VIPAS39: variants seen among roughly 807,000 people sequenced by gnomAD.
VIPAS39 encodes VPS33B interacting protein, apical-basolateral polarity regulator, spe-39 homolog.
VIPAS39 carries 63 observed loss-of-function variants against 84.7 expected under a neutral mutation model. The ratio of observed to expected loss-of-function variants is 0.74; its 90% CI spans 0.61 to 0.92. The LOEUF (loss-of-function observed/expected upper bound fraction) is 0.92. Among genes scored for constraint, VIPAS39 ranks in the 40% least tolerant of loss-of-function variants. The pLI is 0.00. For missense variants in VIPAS39, 499 were observed against 604.5 expected (o/e 0.83, Z 1.83); for synonymous variants, 192 against 216.5 (o/e 0.89, Z 0.99).
At chr14:77,442,721 A>T in intron 9 of VIPAS39, 59 bp from the exon 10 acceptor site, 1 of 1,471,976 alleles carries the variant, frequency 6.8e-7, no homozygotes, top group Non-Finnish European at 9.5e-7. Context: ...CAAGTGTGAA[A>T]TTGGTCTCCC....
At chr14:77,440,123 G>A (rs1187879699) in intron 11 of VIPAS39, 2 of 151,342 alleles carry the variant, frequency 1.3e-5, no homozygotes, top group Non-Finnish European at 2.9e-5. Flanking sequence ...GGACTCTAGT[G>A]TTCCTCCCAC....
chr14:77,452,345 C>A (rs2078895055), intron 3 of VIPAS39, among the ~76,000 whole-genome samples: 1 of 151,712 alleles, frequency 6.6e-6, no homozygotes, highest in Admixed American at 6.6e-5. Flanking sequence ...TTTGGGAGGA[C>A]ATGAACTGAA....
At chr14:77,443,912 G>A (rs1469742604) in intron 8 of VIPAS39, among the ~76,000 whole-genome samples, 1 of 150,568 alleles carries the variant, frequency 6.6e-6, no homozygotes, top group Non-Finnish European at 1.5e-5. Flanking sequence ...ATGGTGGTAT[G>A]CACCTGTGGT....
chr14:77,450,436 G>T (rs547872894), intron 4 of VIPAS39, among the ~76,000 whole-genome samples: 2 of 152,298 alleles, frequency 1.3e-5, no homozygotes, highest in Admixed American at 1.3e-4. Flanking sequence ...CAACATGGAG[G>T]TACAAATATA....
chr14:77,434,181 T>G (rs1185140230), intron 15 of VIPAS39, 81 bp downstream of exon 15: 7 of 1,426,570 alleles, frequency 4.9e-6, no homozygotes, highest in Non-Finnish European at 6.9e-6. Flanking sequence ...AAGGACACAC[T>G]GTACAGGGTT....
intron 18 of VIPAS39, 65 bp downstream of exon 18, chr14:77,428,941 T>C (rs2078475791): frequency 7.0e-7 from 1 of 1,434,718 alleles, no homozygotes; most frequent in East Asian, 2.3e-5. Context: ...CAGAGAATAT[T>C]ATAATCCCCA....
chr14:77,444,404 G>T, intron 7 of VIPAS39, 63 bp from the exon 8 acceptor site: 1 of 1,418,742 alleles, frequency 7.0e-7, no homozygotes. Context: ...TTTGTTGCTG[G>T]ATACTAAAGA....
chr14:77,435,995 CATAAGT>C (rs1213651710), intron 12 of VIPAS39, 76 bp from the exon 13 acceptor site: 28 of 1,486,894 alleles, frequency 1.9e-5, no homozygotes, highest in South Asian at 4.5e-5. Context: ...AAATCGCCAG[CATAAGT>C]ATAAGAGGCT....
chr14:77,440,433 C>G (rs1237981004), intron 11 of VIPAS39: 1 of 155,342 alleles, frequency 6.4e-6, no homozygotes, highest in African/African-American at 2.4e-5. Flanking sequence ...GGTTTCTTAT[C>G]CTCTTAGCCT....
Position 77,451,319 on chromosome 14 carries a change from T to C in VIPAS39, c.211A>G (p.Ile71Val). ...CCGCTATTACCAGCAGTCTCTCTGA[T>C]GGACCATGAGATACCTGTGAGATAG... ...GEPVGSISWS[I>V]RETAGNSGST... Residue 71 changes from isoleucine (I) to valine (V), a missense_variant, in exon 4 of 20, where the codon ATC becomes GTC. By Grantham distance (29) the Ile-to-Val change is conservative (BLOSUM62 3). Transcript: ENST00000557658. The C allele has an allele frequency of 1.2e-6, 2 of 1,614,236 alleles. No homozygotes were observed. Among genetic ancestry groups the C allele is most frequent in the Non-Finnish European group, 1.7e-6 (2 of 1,180,038 alleles).
intron 4 of VIPAS39, 32 bp downstream of exon 4, chr14:77,451,155 A>G (rs2078875169): frequency 6.2e-7 from 1 of 1,614,024 alleles, no homozygotes. Context: ...AAAGAGAAGG[A>G]CTTCCCTATC....
intron 4 of VIPAS39, among the ~76,000 whole-genome samples, chr14:77,450,831 T>G (rs929405204): frequency 2.6e-5 from 4 of 152,096 alleles, no homozygotes; most frequent in East Asian, 3.9e-4. Flanking sequence ...TACTGTTTAA[T>G]TTTTTTTAAA....
At chr14:77,427,684 C>T in intron 19 of VIPAS39, 48 bp from the exon 20 acceptor site, 1 of 1,612,816 alleles carries the variant, frequency 6.2e-7, no homozygotes, top group Middle Eastern at 1.6e-4. Flanking sequence ...TTTCACTTAT[C>T]CCTACAGCAA....
intron 1 of VIPAS39, among the ~76,000 whole-genome samples, chr14:77,456,771 C>CA (rs1482340354): frequency 6.6e-6 from 1 of 152,118 alleles, no homozygotes; most frequent in Non-Finnish European, 1.5e-5. Flanking sequence ...TTTAACCATG[C>CA]AATGGCAGTA....
chr14:77,439,689 C>CCT (rs2078670006), intron 11 of VIPAS39, among the ~76,000 whole-genome samples: 2 of 151,738 alleles, frequency 1.3e-5, no homozygotes, highest in Admixed American at 1.3e-4. Flanking sequence ...TACTTGGGAG[C>CCT]CTAAGGCTTG....
At chr14:77,433,776 A>C in intron 16 of VIPAS39, 66 bp downstream of exon 16, 1 of 1,518,448 alleles carries the variant, frequency 6.6e-7, no homozygotes, top group Admixed American at 1.9e-5. Flanking sequence ...CGGTAACTAG[A>C]ACTTATAACA....
intron 1 of VIPAS39, among the ~76,000 whole-genome samples, chr14:77,455,148 T>C (rs568051083): frequency 2.0e-5 from 3 of 152,324 alleles, no homozygotes; most frequent in South Asian, 4.1e-4. Flanking sequence ...ATAACTACTA[T>C]AAAATTCAAT....
At chr14:77,454,219 T>A (rs2078926405) in intron 1 of VIPAS39, 117 bp from the exon 2 acceptor site, 1 of 922,460 alleles carries the variant, frequency 1.1e-6, no homozygotes, top group Non-Finnish European at 1.7e-6. Flanking sequence ...CAGAAAAGAA[T>A]CTGGTAAAAC....
chr14:77,446,528 C>CTGTA (rs1269309033), intron 7 of VIPAS39, among the ~76,000 whole-genome samples: 1 of 152,158 alleles, frequency 6.6e-6, no homozygotes, highest in African/African-American at 2.4e-5. Context: ...CAAAATTGAT[C>CTGTA]TGTACATTCA....
Sources: allele counts gnomAD v4.1 joint callset (sites outside exome capture counted in the v4.1 genomes callset), GRCh38; gene constraint gnomAD v4.1.1; transcripts MANE v1.5; gene names NCBI Gene and HGNC (gene_info 2026-07-23, HGNC 2026-07-21).